Variants in CSDC2 observed in about 807,000 individuals in gnomAD.
CSDC2 encodes the protein cold shock domain-containing protein C2.
CSDC2 carries 8 observed loss-of-function variants against 15.8 expected under a neutral mutation model. That is an observed-to-expected ratio of 0.51 (90% CI 0.30 to 0.92). CSDC2 has a LOEUF of 0.92. CSDC2 is among the 40% of genes least tolerant of loss of function. The probability of loss-of-function intolerance (pLI) is 0.07; values close to 1 mark genes in which losing one functional copy is unlikely to be tolerated. For missense variants in CSDC2, 195 were observed against 213.3 expected, an observed-to-expected ratio of 0.91 and a Z score of 0.53; for synonymous variants, 96 against 92.3, an observed-to-expected ratio of 1.04 and a Z score of -0.23.
rs372029264 is a variant in CSDC2 at position 41,569,777 on chromosome 22, C to CT, written c.-123-2044dup. On this transcript the variant is annotated intron_variant, in intron 1 of 3. Transcript: ENST00000306149. ...TTATGTCCAAGTGTTTGTGTGGTTG[C>CT]TTTTTTTTTTTTTTTTTTTTTTGAC... Among the ~76,000 whole-genome samples, 678 of 107,930 alleles carry CT rather than the reference C, an allele frequency of 6.3e-3. 4 individuals are homozygous for CT. The highest frequency in any genetic ancestry group is 9.0e-3 in the Non-Finnish European group (493 of 54,642). 70.8% of individuals were successfully genotyped at this position (107,930 alleles called of 152,430 possible).
rs998324011 is a variant in CSDC2 at position 41,575,092 on chromosome 22, G to A, written c.*197G>A. 1.0e-5 allele frequency: 7 copies of A among 692,400 alleles called. No homozygotes were observed. Among genetic ancestry groups the A allele is most frequent in the Admixed American group, 8.8e-5 (3 of 34,118 alleles). 42.9% of individuals were successfully genotyped at this position (692,400 alleles called of 1,614,324 possible). On this transcript the variant is annotated 3_prime_UTR_variant, in exon 4 of 4. Transcript: ENST00000306149. ...CCCACGACCCGTGACTACTGTGCAAGCTGGCCAGGAGGTAGGTGGAGGGCA... is the reference window on the plus strand; with the variant it reads ...CCCACGACCCGTGACTACTGTGCAAACTGGCCAGGAGGTAGGTGGAGGGCA...
At chr22:41,570,549 G>A (rs542832647) in intron 1 of CSDC2, among the ~76,000 whole-genome samples, 97 of 152,180 alleles carry the variant, frequency 6.4e-4, no homozygotes, top group Non-Finnish European at 1.2e-3. Flanking sequence ...GGTATAAATT[G>A]GAGGCCACAG....
intron 2 of CSDC2, 33 bp from the exon 3 acceptor site, chr22:41,573,622 G>A: frequency 6.3e-7 from 1 of 1,588,788 alleles, no homozygotes; most frequent in Non-Finnish European, 8.6e-7. Context: ...AGTTCCTCAG[G>A]CCACAGCTCC....
chr22:41,564,539 T>C lies in CSDC2; in HGVS notation c.-124+3356T>C, dbSNP rs7289835. ...CCTCCCAAAGTGCTGGGATTACAGG[T>C]GTGAGCCACCACTCTTGGCCCCCAA... On this transcript the variant is annotated intron_variant, in intron 1 of 3. Coordinates refer to ENST00000306149, the MANE Select transcript of CSDC2 (RefSeq NM_014460.4). 1.8e-3 allele frequency among the ~76,000 whole-genome samples: 278 copies of C among 152,204 alleles called. 1 individual carries two copies. The highest frequency in any genetic ancestry group is 2.3e-3 in the South Asian group (11 of 4,818).
intron 1 of CSDC2, among the ~76,000 whole-genome samples, chr22:41,564,383 C>T (rs1190958560): frequency 6.6e-6 from 1 of 152,036 alleles, no homozygotes; most frequent in African/African-American, 2.4e-5. Context: ...CCTCAGGCCT[C>T]CCCAGTGACT....
At chr22:41,564,405 T>C (rs984659318) in intron 1 of CSDC2, among the ~76,000 whole-genome samples, 9 of 152,034 alleles carry the variant, frequency 5.9e-5, no homozygotes, top group African/African-American at 1.2e-4. Context: ...GGACTACAGG[T>C]GCCTGCCACC....
intron 1 of CSDC2, among the ~76,000 whole-genome samples, chr22:41,569,340 C>T (rs1266472379): frequency 6.6e-6 from 1 of 152,230 alleles, no homozygotes; most frequent in Non-Finnish European, 1.5e-5. Flanking sequence ...GTTTTTAGTA[C>T]ATTCACAGAG....
intron 1 of CSDC2, among the ~76,000 whole-genome samples, chr22:41,569,602 G>A (rs571961865): frequency 3.5e-4 from 54 of 152,188 alleles, no homozygotes; most frequent in African/African-American, 1.3e-3. Context: ...GCGTGAATCA[G>A]TATTTCTTCT....
intron 1 of CSDC2, among the ~76,000 whole-genome samples, chr22:41,568,792 T>C (rs2067129879): frequency 6.6e-6 from 1 of 152,252 alleles, no homozygotes; most frequent in Non-Finnish European, 1.5e-5. Context: ...CTGGTCTCTC[T>C]GCCACCTGAG....
intron 2 of CSDC2, among the ~76,000 whole-genome samples, chr22:41,573,050 A>T (rs889040944): frequency 2.9e-4 from 44 of 152,042 alleles, no homozygotes; most frequent in Admixed American, 7.2e-4. Flanking sequence ...TCATTTTTTT[A>T]AAAAAATGTT....
intron 1 of CSDC2, among the ~76,000 whole-genome samples, chr22:41,566,183 C>T (rs1286232294): frequency 7.3e-5 from 11 of 149,948 alleles, no homozygotes; most frequent in East Asian, 3.9e-4. Context: ...CAGTGGCTCA[C>T]GCCTGTAATC....
At chr22:41,569,785 T>G (rs2067135927) in intron 1 of CSDC2, among the ~76,000 whole-genome samples, 1 of 147,238 alleles carries the variant, frequency 6.8e-6, no homozygotes, top group African/African-American at 2.5e-5. Context: ...TGCTTTTTTT[T>G]TTTTTTTTTT....
intron 1 of CSDC2, among the ~76,000 whole-genome samples, chr22:41,568,025 T>TCGCCCAG (rs113267530): frequency 0.014 from 2,129 of 152,098 alleles, 53 homozygotes; most frequent in African/African-American, 0.049. Context: ...GGGCAGGCTC[T>TCGCCCAG]CGCCCAGCGC....
intron 1 of CSDC2, among the ~76,000 whole-genome samples, chr22:41,563,847 G>C (rs1463898000): frequency 6.6e-6 from 1 of 151,734 alleles, no homozygotes; most frequent in African/African-American, 2.4e-5. Context: ...TGAGGCGGGC[G>C]GATCACGAGG....
intron 1 of CSDC2, among the ~76,000 whole-genome samples, chr22:41,566,922 G>T (rs1470147341): frequency 7.0e-6 from 1 of 142,608 alleles, no homozygotes; most frequent in Admixed American, 7.1e-5. Context: ...GCGATCCTCC[G>T]TCTCAAAAAA....
rs1232278544 is a variant in CSDC2, at chr22:41,572,073, G to A, written c.108G>A (p.Glu36=). Residue 36 remains glutamate (E), a synonymous_variant, in exon 2 of 4, where the codon GAG becomes GAA. Coordinates refer to ENST00000306149, the MANE Select transcript of CSDC2 (RefSeq NM_014460.4). ...ACAGGGAGGGCAGCAGGGTCTGGGA[G>A]CGGGGTGGTGTCCCACCTCGGGACC... ...PFHREGSRVW[E]RGGVPPRDLP... 1 of 1,361,712 alleles carries A rather than the reference G, an allele frequency of 7.3e-7. No individual in the cohort carries two copies. Among genetic ancestry groups the A allele is most frequent in the Non-Finnish European group, 9.5e-7 (1 of 1,053,418 alleles). The allele number at this position is 1,361,712 out of a possible 1,614,324, so 84.4% of individuals were successfully genotyped here.
In CSDC2 at chr22:41,575,113, G is replaced by T. The variant is rs1445373901; in HGVS notation, c.*218G>T. ...GCAAGCTGGCCAGGAGGTAGGTGGA[G>T]GGCAAGGCCACCAGACCTGGCTTCG... is the stretch of plus-strand genomic sequence containing the variant. On this transcript the variant is annotated 3_prime_UTR_variant, in exon 4 of 4. Coordinates refer to ENST00000306149, the MANE Select transcript of CSDC2 (RefSeq NM_014460.4). The T allele has an allele frequency of 4.9e-6, 3 of 616,972 alleles. No homozygotes were observed. The highest frequency in any genetic ancestry group is 6.0e-5 in the Admixed American group (2 of 33,166). 38.2% of individuals were successfully genotyped at this position (616,972 alleles called of 1,614,324 possible). A position where few individuals can be genotyped will look rare whatever the true frequency, so the allele number is the denominator to read the frequency against.
At chr22:41,567,764 T>G (rs529970533) in intron 1 of CSDC2, among the ~76,000 whole-genome samples, 30 of 152,374 alleles carry the variant, frequency 2.0e-4, no homozygotes, top group African/African-American at 6.7e-4. Context: ...GTGTGTGTCC[T>G]TGAGTGAGTG....
At chr22:41,567,461 C>G (rs1305490623) in intron 1 of CSDC2, among the ~76,000 whole-genome samples, 8 of 152,248 alleles carry the variant, frequency 5.3e-5, no homozygotes, top group Non-Finnish European at 7.3e-5. Context: ...TGGCATTCAG[C>G]CAATGAAAGC....
Sources: allele counts gnomAD v4.1 joint callset (sites outside exome capture counted in the v4.1 genomes callset), GRCh38; gene constraint gnomAD v4.1.1; transcripts MANE v1.5; gene names NCBI Gene and HGNC (gene_info 2026-07-23, HGNC 2026-07-21).